Variants in DST observed in about 807,000 individuals in gnomAD.
DST encodes bullous pemphigoid antigen.
DST carries 253 observed loss-of-function variants against 875.2 expected under a neutral mutation model. The ratio of observed to expected loss-of-function variants is 0.29; its 90% CI spans 0.26 to 0.32. The LOEUF (loss-of-function observed/expected upper bound fraction) is 0.32. DST is among the 10% of genes least tolerant of loss of function. The pLI, the probability that DST is intolerant of heterozygous loss-of-function variation, is 1.00. For synonymous variants in DST, 3,124 were observed against 3,197.1 expected (o/e 0.98, Z 0.77); for missense variants, 8,287 against 9,111.6 (o/e 0.91, Z 3.68).
intron 5 of DST, among the ~76,000 whole-genome samples, chr6:56,716,177 C>T (rs375798613): frequency 1.1e-4 from 17 of 152,130 alleles, no homozygotes; most frequent in African/African-American, 3.9e-4. Flanking sequence ...AATAATGAAT[C>T]GTAAAACAAA....
At chr6:56,735,048 A>G in intron 5 of DST, 180 bp downstream of exon 5, 1 of 574,852 alleles carries the variant, frequency 1.7e-6, no homozygotes, top group South Asian at 2.1e-5. Flanking sequence ...CACCTCCATC[A>G]TTACCCACCG....
intron 77 of DST, 22 bp downstream of exon 77, chr6:56,506,421 A>G (rs775706914): frequency 6.3e-7 from 1 of 1,586,822 alleles, no homozygotes; most frequent in East Asian, 2.2e-5. Context: ...TAAGACCAGC[A>G]CATACACTGT....
intron 81 of DST, 88 bp from the exon 82 acceptor site, chr6:56,497,595 G>A: frequency 6.8e-7 from 1 of 1,470,322 alleles, no homozygotes. Context: ...AGCCTGCTAA[G>A]CCTCTCTATG....
At chr6:56,561,571 A>G (rs2097536033) in intron 56 of DST, 22 bp from the exon 57 acceptor site, 1 of 1,587,262 alleles carries the variant, frequency 6.3e-7, no homozygotes, top group African/African-American at 1.4e-5. Context: ...AAAAACAACT[A>G]TACTGACACA....
chr6:56,598,418 C>T (rs928100881), intron 46 of DST, 58 bp downstream of exon 46: 2 of 1,006,796 alleles, frequency 2.0e-6, no homozygotes, highest in South Asian at 2.5e-5. Flanking sequence ...AATAATAAAT[C>T]AAGTAGCTGT....
In DST at chr6:56,606,958, T is replaced by C. The variant is rs1339253158; in HGVS notation, c.7670A>G (p.Tyr2557Cys). 3 of 1,613,432 alleles carry C rather than the reference T, an allele frequency of 1.9e-6. No individual in the cohort carries two copies. The highest frequency in any genetic ancestry group is 2.5e-6 in the Non-Finnish European group (3 of 1,179,566). Residue 2557 changes from tyrosine to cysteine, a missense_variant, in exon 40 of 104, where the codon TAT (tyrosine) becomes TGT (cysteine). By Grantham distance (194) the Tyr-to-Cys change is radical (BLOSUM62 -2). Coordinates refer to ENST00000680361, the MANE Select transcript of DST (RefSeq NM_001374736.1). The part of the protein sequence containing the change: ...DKEDESEIEE[Y>C]SCAVTPGGDT... ...ACCCCCTGGAGTCACAGCACAGGAA[T>C]ACTCTTCTATTTCAGACTCATCTTC...
intron 4 of DST, among the ~76,000 whole-genome samples, chr6:56,743,802 T>C (rs1024440171): frequency 6.6e-6 from 1 of 152,212 alleles, no homozygotes; most frequent in African/African-American, 2.4e-5. Context: ...TACTCAACTT[T>C]ATAATTTCAT....
intron 95 of DST, 144 bp downstream of exon 95, chr6:56,470,962 A>T (rs1358908813): frequency 1.2e-6 from 1 of 827,632 alleles, no homozygotes; most frequent in Non-Finnish European, 1.8e-6. Flanking sequence ...TACCAAAAAA[A>T]CATTTTTTTA....
intron 103 of DST, among the ~76,000 whole-genome samples, chr6:56,459,540 A>G (rs1446803015): frequency 1.3e-5 from 2 of 152,240 alleles, no homozygotes; most frequent in African/African-American, 2.4e-5. Context: ...GCAAACAGAC[A>G]TAAGGAATAT....
At chr6:56,509,503 C>G in intron 74 of DST, 139 bp downstream of exon 74, 1 of 651,826 alleles carries the variant, frequency 1.5e-6, no homozygotes, top group South Asian at 2.1e-5. Flanking sequence ...TTTGCATACA[C>G]AGCCCTTCAA....
At chr6:56,871,728 C>T in intron 3 of DST, 3 of 533,570 alleles carry the variant, frequency 5.6e-6, no homozygotes, top group Non-Finnish European at 1.0e-5. Context: ...GAAACAAAAA[C>T]TTACAGCACA....
rs573285385 is a variant in DST at position 56,719,908 on chromosome 6, G to A, written c.687+15320C>T. On this transcript the variant is annotated intron_variant, in intron 5 of 103. Transcript: ENST00000680361. ...TTCACAAGGTAATAGAATATCACAAGGCAAATGGAGGCAGGGCGAGATCAC... is the reference window on the plus strand; with the variant it reads ...TTCACAAGGTAATAGAATATCACAAAGCAAATGGAGGCAGGGCGAGATCAC... Among the ~76,000 whole-genome samples, 6 of 152,288 alleles carry A rather than the reference G, an allele frequency of 3.9e-5. No individual in the cohort carries two copies. The East Asian group carries it at 9.6e-4, about 24-fold the overall frequency.
chr6:56,926,611 T>C (rs891656341), intron 2 of DST, among the ~76,000 whole-genome samples: 1 of 152,136 alleles, frequency 6.6e-6, no homozygotes, highest in Non-Finnish European at 1.5e-5. Flanking sequence ...TGAAAAGAAA[T>C]GATGAGCCAG....
chr6:56,615,891 C>T (rs2098609896), intron 36 of DST: 1 of 1,614,194 alleles, frequency 6.2e-7, no homozygotes, highest in Admixed American at 1.7e-5. Context: ...TGGCCAATCC[C>T]TGTGATTACT....
intron 81 of DST, 161 bp downstream of exon 81, chr6:56,497,695 A>T (rs2095967285): frequency 4.2e-6 from 4 of 950,498 alleles, no homozygotes; most frequent in African/African-American, 1.7e-5. Flanking sequence ...AGAACTAGAA[A>T]GCTGTGTTCT....
chr6:56,513,510 G>T (rs61417957), intron 72 of DST, among the ~76,000 whole-genome samples: 1 of 149,606 alleles, frequency 6.7e-6, no homozygotes, highest in Admixed American at 6.6e-5. Context: ...GATTACAGGC[G>T]TGAGTCACCA....
At chr6:56,788,099 A>T (rs1475644919) in intron 4 of DST, among the ~76,000 whole-genome samples, 2 of 125,220 alleles carry the variant, frequency 1.6e-5, no homozygotes. Context: ...ATTGCATTCC[A>T]GCCTGAGTGA....
chr6:56,825,978 T>G (rs552505526), intron 4 of DST, among the ~76,000 whole-genome samples: 33 of 152,236 alleles, frequency 2.2e-4, no homozygotes, highest in Non-Finnish European at 4.0e-4. Context: ...TAACACTATA[T>G]ATAATTTATT....
At chr6:56,670,539 C>T in intron 10 of DST, 102 bp downstream of exon 10, 3 of 908,666 alleles carry the variant, frequency 3.3e-6, no homozygotes, top group Non-Finnish European at 3.0e-6. Flanking sequence ...TAATTTTTTG[C>T]CATGCTTTTG....
Sources: gnomAD v4.1 joint callset for allele counts (sites outside exome capture counted in the v4.1 genomes callset) on GRCh38, gnomAD v4.1.1 for gene constraint, MANE v1.5 for transcripts, NCBI Gene and HGNC (gene_info 2026-07-23, HGNC 2026-07-21) for gene names.